The following GUCY2D variants were observed in gnomAD, a reference collection of about 807,000 sequenced individuals.
GUCY2D encodes the protein retinal guanylyl cyclase 1.
Under a neutral mutation model 101.3 loss-of-function variants are expected in GUCY2D, and 70 were observed. The ratio of observed to expected loss-of-function variants is 0.69; its 90% confidence interval spans 0.57 to 0.84. The LOEUF is 0.84. Among genes scored for constraint, GUCY2D ranks in the 40% least tolerant of loss-of-function variants. GUCY2D has a pLI of 0.00. For missense variants in GUCY2D, 1,460 were observed against 1,542.5 expected (o/e 0.95, Z 0.90); for synonymous variants, 688 against 670.7 (o/e 1.03, Z -0.40).
chr17:8,015,251 G>A lies in GUCY2D; in HGVS notation c.2770-77G>A, dbSNP rs536805410. ...TTCTGCACTAACCCCAGGTGGGCCC[G>A]GTGACAAGAGGCAATCGCTTCGTGT... On this transcript the variant is annotated intron_variant, in intron 14 of 19. Coordinates refer to ENST00000254854, the MANE Select transcript of GUCY2D (RefSeq NM_000180.4). The A allele has an allele frequency of 2.5e-5, 35 of 1,399,186 alleles. 1 individual carries two copies. In the South Asian group the frequency reaches 3.5e-4, roughly 14 times the overall value. The allele number at this position is 1,399,186 out of a possible 1,614,324, so 86.7% of individuals were successfully genotyped here.
At chr17:8,017,151 G>T (rs953872336) in intron 19 of GUCY2D, among the ~76,000 whole-genome samples, 1 of 152,222 alleles carries the variant, frequency 6.6e-6, no homozygotes. Context: ...AGAGCTGGTT[G>T]CAAAACCAGC....
chr17:8,020,177 C>G lies in GUCY2D; in HGVS notation c.*74C>G, dbSNP rs78901930. On this transcript the variant is annotated 3_prime_UTR_variant, in exon 20 of 20. Coordinates refer to ENST00000254854, the MANE Select transcript of GUCY2D (RefSeq NM_000180.4). The stretch of plus-strand genomic sequence containing the variant: ...ATCTGCAGTGGACCCCAGGCACCCC[C>G]CTTTGAGGAGGTGGGGTGAACTGCT... 2.7e-5 allele frequency: 4 copies of G among 150,668 alleles called. No individual in the cohort carries two copies. Among genetic ancestry groups the G allele is most frequent in the African/African-American group, 7.4e-5 (3 of 40,442 alleles). The allele number at this position is 150,668 out of a possible 1,614,324, so 9.3% of individuals were successfully genotyped here. A position where few individuals can be genotyped will look rare whatever the true frequency, so the allele number is the denominator to read the frequency against.
intron 19 of GUCY2D, among the ~76,000 whole-genome samples, chr17:8,019,107 A>G (rs975995284): frequency 5.3e-5 from 8 of 152,170 alleles, no homozygotes; most frequent in Non-Finnish European, 1.0e-4. Flanking sequence ...ATTCTTGAAG[A>G]TTTTCCTTAA....
chr17:8,003,844 G>C lies in GUCY2D; in HGVS notation c.722-8G>C. On this transcript the variant is annotated splice_polypyrimidine_tract_variant and splice_region_variant and intron_variant, in intron 2 of 19. Transcript: ENST00000254854. The stretch of plus-strand genomic sequence containing the variant: ...GGACGGCGCCGCGAGCCAAGCCTCT[G>C]TCCGCAGCAGTGATCATGGTGATGC... 6.2e-7 allele frequency: 1 copy of C among 1,611,074 alleles called. No individual in the cohort carries two copies.
Position 8,015,919 on chromosome 17 carries a change from C to A in GUCY2D, c.3044-8C>A. ...GTCCCGAGCTCACGGCGTCCCCCAC[C>A]GCCACAGCTTACCGCATCCACGTGA... On this transcript the variant is annotated splice_region_variant and splice_polypyrimidine_tract_variant and intron_variant, in intron 16 of 19. Transcript: ENST00000254854. 1 of 1,608,444 alleles carries A rather than the reference C, an allele frequency of 6.2e-7. No homozygotes were observed. Among genetic ancestry groups the A allele is most frequent in the Non-Finnish European group, 8.5e-7 (1 of 1,177,706 alleles).
Position 8,013,056 on chromosome 17 carries a change from G to A in GUCY2D, c.2114-47G>A. 6.3e-7 allele frequency: 1 copy of A among 1,587,920 alleles called. No individual in the cohort carries two copies. Among genetic ancestry groups the A allele is most frequent in the Non-Finnish European group, 8.6e-7 (1 of 1,164,716 alleles). ...TGCCAACCTGGGCTTTCTGGTGAGG[G>A]TGGGAGTCTTTCCCCAGCGGCGCCT... On this transcript the variant is annotated intron_variant, in intron 10 of 19. Transcript: ENST00000254854. The surrounding 1 kb of genome is among the most constrained non-coding windows in gnomAD (Gnocchi z 5.0).
intron 7 of GUCY2D, among the ~76,000 whole-genome samples, chr17:8,008,841 G>A (rs528791875): frequency 6.6e-6 from 1 of 152,282 alleles, no homozygotes; most frequent in African/African-American, 2.4e-5. Context: ...ATGCTCCTTA[G>A]GGGTCAGTAC....
At chr17:8,015,870 G>A (rs1975960887) in intron 16 of GUCY2D, 29 bp downstream of exon 16, 6 of 1,602,840 alleles carry the variant, frequency 3.7e-6, no homozygotes, top group Non-Finnish European at 5.1e-6. Flanking sequence ...AGACGGGGAG[G>A]TGGGAGGGGG....
Position 8,011,021 on chromosome 17 carries a change from C to T in GUCY2D, c.1750-1123C>T, listed in dbSNP as rs886614020. Reference sequence around the variant, plus strand: ...AGACCCGACTGACACAATGACGTAACGCCAAGCAGAGCAGCCCCCGGCCAG... The same window carrying T: ...AGACCCGACTGACACAATGACGTAATGCCAAGCAGAGCAGCCCCCGGCCAG... On this transcript the variant is annotated intron_variant, in intron 8 of 19. Transcript: ENST00000254854. This position sits in a 1 kb window ranked among gnomAD's most constrained non-coding sequence, Gnocchi z 4.3. 2.0e-5 allele frequency among the ~76,000 whole-genome samples: 3 copies of T among 151,982 alleles called. No homozygotes were observed. Among genetic ancestry groups the T allele is most frequent in the East Asian group, 1.9e-4 (1 of 5,164 alleles).
chr17:8,002,922 G>A lies in GUCY2D; in HGVS notation c.-9-117G>A. On this transcript the variant is annotated intron_variant, in intron 1 of 19. Coordinates refer to ENST00000254854, the MANE Select transcript of GUCY2D (RefSeq NM_000180.4). This position sits in a 1 kb window ranked among gnomAD's most constrained non-coding sequence, Gnocchi z 4.9. ...AGTCTTCCCAGCCTCCGGAGGGGGC[G>A]GTAGCAGCAGAATCATCCCATGGGT... is the stretch of plus-strand genomic sequence containing the variant. The A allele has an allele frequency of 5.4e-6, 4 of 737,284 alleles. No individual in the cohort carries two copies. The South Asian group carries it at 5.8e-5, about 11-fold the overall frequency. The allele number at this position is 737,284 out of a possible 1,614,324, so 45.7% of individuals were successfully genotyped here.
In GUCY2D at chr17:8,014,931, T is replaced by C; in HGVS notation, c.2649T>C (p.Phe883=). 3 of 1,613,992 alleles carry C rather than the reference T, an allele frequency of 1.9e-6. No homozygotes were observed. The highest frequency in any genetic ancestry group is 2.2e-5 in the East Asian group (1 of 44,882). Reference sequence around the variant, plus strand: ...ACTTTGAGCAAGTGACACTGTACTTTAGTGACATTGTGGGCTTCACCACCA... The same window carrying C: ...ACTTTGAGCAAGTGACACTGTACTTCAGTGACATTGTGGGCTTCACCACCA... ...PEYFEQVTLY[F]SDIVGFTTIS... Residue 883 remains phenylalanine (F), a synonymous_variant, in exon 14 of 20, where the codon TTT becomes TTC. Transcript: ENST00000254854. This position sits in a 1 kb window ranked among gnomAD's most constrained non-coding sequence, Gnocchi z 4.0.
At chr17:8,009,192 G>A (rs1975801290) in intron 7 of GUCY2D, among the ~76,000 whole-genome samples, 1 of 152,198 alleles carries the variant, frequency 6.6e-6, no homozygotes, top group Admixed American at 6.5e-5. Flanking sequence ...GCAGTGGATG[G>A]TAATGAGGGT....
At chr17:8,016,639 C>G (rs1476526016) in intron 19 of GUCY2D, 85 bp downstream of exon 19, 1 of 712,120 alleles carries the variant, frequency 1.4e-6, no homozygotes, top group Non-Finnish European at 2.4e-6. Context: ...TGTCCCGATC[C>G]CTTTCTGACT....
Position 8,012,170 on chromosome 17 carries a change from G to C in GUCY2D, c.1776G>C (p.Val592=), listed in dbSNP as rs376508683. 47 of 1,613,730 alleles carry C rather than the reference G, an allele frequency of 2.9e-5. No individual in the cohort carries two copies. In the African/African-American group the frequency reaches 4.7e-4, roughly 16 times the overall value. ...SKLQELRHEN[V]ALYLGLFLAR... is the part of the protein sequence containing the mutation. ...TCCAGGAGCTCCGGCATGAGAACGT[G>C]GCCCTCTACCTGGGGCTTTTCCTGG... The change falls in exon 9 of 20, where the codon GTG becomes GTC. Residue 592 remains valine, a synonymous_variant. Coordinates refer to ENST00000254854, the MANE Select transcript of GUCY2D (RefSeq NM_000180.4).
intron 14 of GUCY2D, 72 bp downstream of exon 14, chr17:8,015,123 G>A (rs1157043057): frequency 7.4e-7 from 1 of 1,346,184 alleles, no homozygotes; most frequent in Non-Finnish European, 1.1e-6. Flanking sequence ...AGCCCTTCCT[G>A]CGCAGCCCCT....
rs1739560362 is a variant in GUCY2D at position 8,003,123 on chromosome 17, C to T, written c.76C>T (p.Leu26=). 1 of 1,517,302 alleles carries T rather than the reference C, an allele frequency of 6.6e-7. No individual in the cohort carries two copies. The highest frequency in any genetic ancestry group is 2.6e-5 in the East Asian group (1 of 39,158). 94.0% of individuals were successfully genotyped at this position (1,517,302 alleles called of 1,614,324 possible). The change falls in exon 2 of 20, where the codon CTG becomes TTG. Residue 26 remains leucine (L), a synonymous_variant. Coordinates refer to ENST00000254854, the MANE Select transcript of GUCY2D (RefSeq NM_000180.4). ...LCGPAWWAPS[L]PRLPRALPRL... ...CGGTCCCGCGTGGTGGGCTCCGTCC[C>T]TGCCCCGCCTCCCCCGGGCCCTGCC...
Position 8,006,574 on chromosome 17 carries a change from G to T in GUCY2D, c.1238G>T (p.Arg413Leu). ...VLLDTDAAGD[R>L]LFATYMLDPA... is the part of the protein sequence containing the mutation. ...CTAGACACGGACGCGGCGGGAGACC[G>T]GCTTTTTGCCACATACATGCTGGAT... Residue 413 changes from arginine to leucine, a missense_variant, in exon 4 of 20, where the codon CGG becomes CTG. By Grantham distance (102) the Arg-to-Leu change is moderately radical. Coordinates refer to ENST00000254854, the MANE Select transcript of GUCY2D (RefSeq NM_000180.4). 1 of 1,613,450 alleles carries T rather than the reference G, an allele frequency of 6.2e-7. No individual in the cohort carries two copies. Among genetic ancestry groups the T allele is most frequent in the South Asian group, 1.1e-5 (1 of 91,070 alleles).
At chr17:8,007,224 C>A in intron 5 of GUCY2D, 80 bp downstream of exon 5, 1 of 1,135,876 alleles carries the variant, frequency 8.8e-7, no homozygotes, top group Non-Finnish European at 1.3e-6. Flanking sequence ...AGGCTGGGTT[C>A]ACTCAGGAGT....
chr17:8,006,429 C>T lies in GUCY2D; in HGVS notation c.1093C>T (p.Arg365Trp), dbSNP rs138836357. The change falls in exon 4 of 20, where the codon CGG becomes TGG. Residue 365 changes from arginine (R) to tryptophan (W), a missense_variant. Physicochemically the swap from Arg to Trp is moderately radical, Grantham distance 101 (BLOSUM62 -3). Coordinates refer to ENST00000254854, the MANE Select transcript of GUCY2D (RefSeq NM_000180.4). ...FLLARGVAEA[R>W]AAAGGRWVSG... is the part of the protein sequence containing the mutation. ...GCTGGCAAGGGGCGTGGCAGAAGCG[C>T]GGGCTGCCGCAGGTGGCAGATGGGT... 1,760 of 1,603,480 alleles carry T rather than the reference C, an allele frequency of 1.1e-3. 2 individuals are homozygous for T. Among genetic ancestry groups the T allele is most frequent in the Middle Eastern group, 1.8e-3 (11 of 6,062 alleles).
Sources: allele counts gnomAD v4.1 joint callset (sites outside exome capture counted in the v4.1 genomes callset), GRCh38; gene constraint gnomAD v4.1.1; non-coding constraint Gnocchi (gnomAD v3.1); transcripts MANE v1.5; gene names NCBI Gene and HGNC (gene_info 2026-07-23, HGNC 2026-07-21).